CTNND2: variants seen among roughly 807,000 people sequenced by gnomAD.
CTNND2 encodes the protein catenin delta 2, also known as catenin delta-2.
In CTNND2, 22 loss-of-function variants were observed where a neutral mutation model predicts 144.4. The ratio of observed to expected loss-of-function variants is 0.15; its 90% confidence interval spans 0.11 to 0.22. The LOEUF is 0.22. Among genes scored for constraint, CTNND2 ranks in the 10% least tolerant of loss-of-function variants. The pLI, the probability that CTNND2 is intolerant of heterozygous loss-of-function variation, is 1.00. For synonymous variants in CTNND2, 751 were observed against 695.6 expected, an observed-to-expected ratio of 1.08 and a Z score of -1.25; for missense variants, 1,353 against 1,618.8, an observed-to-expected ratio of 0.84 and a Z score of 2.82.
At chr5:11,599,692 G>A (rs1457837031) in intron 2 of CTNND2, among the ~76,000 whole-genome samples, 1 of 152,156 alleles carries the variant, frequency 6.6e-6, no homozygotes, top group Non-Finnish European at 1.5e-5. Context: ...ATACCCGTGA[G>A]TACAATTCAG....
At chr5:11,317,027 T>C (rs1381848365) in intron 9 of CTNND2, among the ~76,000 whole-genome samples, 4 of 152,118 alleles carry the variant, frequency 2.6e-5, no homozygotes, top group Non-Finnish European at 4.4e-5. Context: ...CAGACACTTC[T>C]CAAAAGAAGA....
chr5:11,852,636 C>G (rs1431584318), intron 1 of CTNND2, among the ~76,000 whole-genome samples: 1 of 152,154 alleles, frequency 6.6e-6, no homozygotes, highest in Non-Finnish European at 1.5e-5. Context: ...TGTATACTTA[C>G]ATTGAAAACC....
chr5:11,551,432 C>CTTTTTTTTTTTTTTTTT (rs70949326), intron 3 of CTNND2, among the ~76,000 whole-genome samples: 11 of 100,918 alleles, frequency 1.1e-4, no homozygotes, highest in African/African-American at 4.0e-4. Context: ...TTTCTTTTTT[C>CTTTTTTTTTTTTTTTTT]TTTTTTTTTT....
chr5:11,533,349 T>C (rs746381380), intron 3 of CTNND2, among the ~76,000 whole-genome samples: 1 of 152,182 alleles, frequency 6.6e-6, no homozygotes, highest in African/African-American at 2.4e-5. Context: ...GTCCTTGAAG[T>C]GCTAAGGGGA....
chr5:11,518,632 A>T (rs972900680), intron 3 of CTNND2, among the ~76,000 whole-genome samples: 7 of 152,108 alleles, frequency 4.6e-5, no homozygotes, highest in Non-Finnish European at 7.4e-5. Flanking sequence ...ATCTTTTTTT[A>T]AAAAAATCTT....
intron 2 of CTNND2, among the ~76,000 whole-genome samples, chr5:11,657,499 C>A (rs1782975875): frequency 6.6e-6 from 1 of 151,960 alleles, no homozygotes. Context: ...TCCCTTCATT[C>A]TTTTCTTCCT....
At chr5:11,196,476 G>A (rs902410188) in intron 11 of CTNND2, among the ~76,000 whole-genome samples, 1 of 152,160 alleles carries the variant, frequency 6.6e-6, no homozygotes, top group Non-Finnish European at 1.5e-5. Context: ...TTTCTTTGCT[G>A]AGCTCTGTAT....
At chr5:11,806,398 C>T (rs907849628) in intron 1 of CTNND2, among the ~76,000 whole-genome samples, 7 of 152,230 alleles carry the variant, frequency 4.6e-5, no homozygotes, top group African/African-American at 1.7e-4. Flanking sequence ...TAGTAACTAA[C>T]GCTCACTGCC....
At chr5:11,582,510 G>C (rs1317730152) in intron 2 of CTNND2, among the ~76,000 whole-genome samples, 1 of 152,198 alleles carries the variant, frequency 6.6e-6, no homozygotes, top group Non-Finnish European at 1.5e-5. Context: ...AGATGTTCTG[G>C]TGAGAGCATC....
At chr5:11,853,539 T>G (rs1012715153) in intron 1 of CTNND2, among the ~76,000 whole-genome samples, 1 of 152,176 alleles carries the variant, frequency 6.6e-6, no homozygotes, top group Non-Finnish European at 1.5e-5. Context: ...CACCTGGACC[T>G]TGACTCCTAG....
intron 1 of CTNND2, among the ~76,000 whole-genome samples, chr5:11,826,390 T>C (rs1421677618): frequency 6.6e-6 from 1 of 151,984 alleles, no homozygotes; most frequent in African/African-American, 2.4e-5. Flanking sequence ...AATGTAATAC[T>C]TTAAAAGAAA....
chr5:11,449,243 T>C, intron 3 of CTNND2, among the ~76,000 whole-genome samples: 1 of 152,228 alleles, frequency 6.6e-6, no homozygotes, highest in East Asian at 1.9e-4. Flanking sequence ...TATAAATGTC[T>C]ATAAGAGAAA....
At chr5:11,312,323 T>C (rs934549115) in intron 9 of CTNND2, among the ~76,000 whole-genome samples, 2 of 151,018 alleles carry the variant, frequency 1.3e-5, no homozygotes, top group African/African-American at 4.9e-5. Flanking sequence ...ATGCTGCTGA[T>C]AAAGACATAC....
rs757047975 is a variant in CTNND2, at chr5:11,214,400, T to A, written c.1762-14739A>T. Among the ~76,000 whole-genome samples the A allele has an allele frequency of 4.6e-5, 7 of 152,300 alleles. No homozygotes were observed. The Middle Eastern group carries it at 0.014, about 296-fold the overall frequency. On this transcript the variant is annotated intron_variant, in intron 10 of 21. Transcript: ENST00000304623. ...AATACTTTAAAAATTTTCAGATGAG[T>A]TATTTGTTTATTGCATACAATTTTT...
intron 6 of CTNND2, among the ~76,000 whole-genome samples, chr5:11,395,800 CA>C (rs1760054695): frequency 6.6e-6 from 1 of 151,980 alleles, no homozygotes; most frequent in African/African-American, 2.4e-5. Flanking sequence ...AGTGGAAATC[CA>C]AAAAACTTCC....
intron 10 of CTNND2, among the ~76,000 whole-genome samples, chr5:11,219,972 C>T (rs1739620624): frequency 6.6e-6 from 1 of 152,186 alleles, no homozygotes; most frequent in South Asian, 2.1e-4. Flanking sequence ...ACTCACCAAT[C>T]ATTGCCAAAC....
At chr5:10,987,961 C>T in intron 20 of CTNND2, 150 bp downstream of exon 20, 1 of 963,264 alleles carries the variant, frequency 1.0e-6, no homozygotes, top group Admixed American at 2.4e-5. Flanking sequence ...TGGAAATCAT[C>T]ATTATCAAGC....
intron 10 of CTNND2, among the ~76,000 whole-genome samples, chr5:11,210,649 G>A (rs950570622): frequency 3.3e-5 from 5 of 152,146 alleles, no homozygotes; most frequent in African/African-American, 1.2e-4. Flanking sequence ...GAGAATTTTG[G>A]ATGACCTCAC....
intron 1 of CTNND2, among the ~76,000 whole-genome samples, chr5:11,791,504 C>T (rs1415561528): frequency 6.6e-6 from 1 of 152,190 alleles, no homozygotes; most frequent in Non-Finnish European, 1.5e-5. Flanking sequence ...ATAAATGCCA[C>T]GATGGCTACT....
Sources: allele counts gnomAD v4.1 joint callset (sites outside exome capture counted in the v4.1 genomes callset), GRCh38; gene constraint gnomAD v4.1.1; transcripts MANE v1.5; gene names NCBI Gene and HGNC (gene_info 2026-07-23, HGNC 2026-07-21).